CGGBP1: variants seen among roughly 807,000 people sequenced by gnomAD.
The protein encoded by CGGBP1 is CGG triplet repeat binding protein 1.
A neutral mutation model predicts 11.4 loss-of-function variants in CGGBP1; 4 were observed. The ratio of observed to expected loss-of-function variants is 0.35; its 90% CI spans 0.17 to 0.80. The LOEUF (loss-of-function observed/expected upper bound fraction) is 0.80. Among genes scored for constraint, CGGBP1 ranks in the 30% least tolerant of loss-of-function variants. CGGBP1 has a pLI of 0.52. For synonymous variants in CGGBP1, 76 were observed against 74.1 expected (o/e 1.03, Z -0.13); for missense variants, 135 against 202.1 (o/e 0.67, Z 2.01).
At chr3:88,133,919 G>A (rs528985752) in intron 2 of CGGBP1, among the ~76,000 whole-genome samples, 13 of 152,194 alleles carry the variant, frequency 8.5e-5, no homozygotes, top group African/African-American at 2.9e-4. Flanking sequence ...GGAATGTTTA[G>A]TGTCACTGCC....
chr3:88,057,740 A>C (rs575991046), intron 2 of CGGBP1: 3 of 152,368 alleles, frequency 2.0e-5, no homozygotes, highest in African/African-American at 7.2e-5. Context: ...TTATAGCATA[A>C]AATGCTCAAT....
At position 88,074,364 on chromosome 3, in the gene CGGBP1, C is replaced by T. The variant is rs1306400626; in HGVS notation, c.-228-16141G>A. 3.1e-4 allele frequency among the ~76,000 whole-genome samples: 37 copies of T among 119,634 alleles called. 2 individuals are homozygous for T. Among genetic ancestry groups the T allele is most frequent in the Non-Finnish European group, 3.5e-5 (2 of 57,902 alleles). 78.5% of individuals were successfully genotyped at this position (119,634 alleles called of 152,430 possible). A position where few individuals can be genotyped will look rare whatever the true frequency, so the allele number is the denominator to read the frequency against. ...TCTTACTTTTTTTTTTTTTTTGAGA[C>T]TGAGTCTTGCTTTATCGCCCAGGCT... On this transcript the variant is annotated intron_variant, in intron 2 of 3. Coordinates refer to the CGGBP1 transcript ENST00000462901.
At chr3:88,139,295 C>T (rs761934977) in intron 2 of CGGBP1, 3 of 1,577,366 alleles carry the variant, frequency 1.9e-6, no homozygotes, top group Non-Finnish European at 1.7e-6. Context: ...ATCACAATGT[C>T]CCAAGGCATC....
intron 2 of CGGBP1, among the ~76,000 whole-genome samples, chr3:88,110,320 T>C (rs1465204677): frequency 6.6e-6 from 1 of 152,134 alleles, no homozygotes; most frequent in African/African-American, 2.4e-5. Flanking sequence ...TTATAGGCTG[T>C]CTGCCTATAA....
At chr3:88,147,685 G>A (rs1481344043) in intron 1 of CGGBP1, among the ~76,000 whole-genome samples, 1 of 152,218 alleles carries the variant, frequency 6.6e-6, no homozygotes, top group Non-Finnish European at 1.5e-5. Context: ...GTGTCTGATA[G>A]TTACTGTATT....
chr3:88,060,207 G>C (rs1242421934), upstream of CGGBP1, among the ~76,000 whole-genome samples: 1 of 151,736 alleles, frequency 6.6e-6, no homozygotes, highest in Non-Finnish European at 1.5e-5. Context: ...CTCTTGCTCC[G>C]GTTAACATCA....
At position 88,092,433 on chromosome 3, in the gene CGGBP1, G is replaced by A. The variant is rs149631743; in HGVS notation, c.-228-34210C>T. 2.6e-3 allele frequency among the ~76,000 whole-genome samples: 391 copies of A among 152,168 alleles called. 1 individual carries two copies. The highest frequency in any genetic ancestry group is 8.3e-3 in the African/African-American group (345 of 41,532). On this transcript the variant is annotated intron_variant, in intron 2 of 3. Transcript: ENST00000462901. ...GAGAATTACAGAATGCAATGAGAGG[G>A]CATAACAGGGACTTGACCTGTCTTG... is the stretch of plus-strand genomic sequence containing the variant.
At position 88,054,610 on chromosome 3, in the gene CGGBP1, A is replaced by C. The variant is rs1454752348; in HGVS notation, c.*863T>G. On this transcript the variant is annotated 3_prime_UTR_variant, in exon 4 of 4. Transcript: ENST00000482016. ...ATCTGTCAGCCAAAAAAAAATTACT[A>C]ATTCTCTATAATAAAGAGAAAACTC... The C allele has an allele frequency of 6.6e-6, 1 of 152,496 alleles. No individual in the cohort carries two copies. The highest frequency in any genetic ancestry group is 1.5e-5 in the Non-Finnish European group (1 of 68,042). The allele number at this position is 152,496 out of a possible 1,614,324, so 9.4% of individuals were successfully genotyped here. A position where few individuals can be genotyped will look rare whatever the true frequency, so the allele number is the denominator to read the frequency against.
At chr3:88,117,391 ATAAT>A (rs1033215980) in intron 2 of CGGBP1, among the ~76,000 whole-genome samples, 1 of 152,152 alleles carries the variant, frequency 6.6e-6, no homozygotes, top group African/African-American at 2.4e-5. Context: ...GCCAGCATAA[ATAAT>A]GTCTGGATTT....
At chr3:88,149,203 C>T (rs1278235169) in intron 1 of CGGBP1, among the ~76,000 whole-genome samples, 1 of 152,204 alleles carries the variant, frequency 6.6e-6, no homozygotes, top group Non-Finnish European at 1.5e-5. Context: ...GCCCCATGCA[C>T]TGTTCACCCC....
intron 2 of CGGBP1, among the ~76,000 whole-genome samples, chr3:88,102,507 G>A (rs1197444416): frequency 1.3e-5 from 2 of 152,130 alleles, no homozygotes; most frequent in African/African-American, 4.8e-5. Context: ...CGTGATGAAG[G>A]TCTTTTTGTG....
chr3:88,134,906 CAT>C (rs1274284091), intron 2 of CGGBP1, among the ~76,000 whole-genome samples: 5 of 151,990 alleles, frequency 3.3e-5, no homozygotes, highest in African/African-American at 1.2e-4. Context: ...GTTTTAGTCT[CAT>C]ATAGGTAGAA....
chr3:88,105,431 C>G (rs930196602), intron 2 of CGGBP1, among the ~76,000 whole-genome samples: 1 of 152,150 alleles, frequency 6.6e-6, no homozygotes, highest in African/African-American at 2.4e-5. Flanking sequence ...TTGTCCTCTA[C>G]TGGTATGCAT....
intron 2 of CGGBP1, among the ~76,000 whole-genome samples, chr3:88,077,502 T>G (rs1012954157): frequency 1.0e-3 from 57 of 55,062 alleles, no homozygotes; most frequent in Non-Finnish European, 2.1e-3. Flanking sequence ...CCGGCTAATT[T>G]TTTGTGATTT....
intron 2 of CGGBP1, among the ~76,000 whole-genome samples, chr3:88,087,807 A>G (rs1708415684): frequency 6.6e-6 from 1 of 152,212 alleles, no homozygotes; most frequent in Non-Finnish European, 1.5e-5. Flanking sequence ...TAGTTCAATC[A>G]CCAGGCCTTA....
intron 2 of CGGBP1, among the ~76,000 whole-genome samples, chr3:88,122,294 T>C (rs1408727811): frequency 6.6e-6 from 1 of 152,126 alleles, no homozygotes; most frequent in Non-Finnish European, 1.5e-5. Context: ...ATACATGATG[T>C]GCAATAGGTG....
chr3:88,123,237 CA>C (rs1380162177), intron 2 of CGGBP1, among the ~76,000 whole-genome samples: 1 of 151,946 alleles, frequency 6.6e-6, no homozygotes, highest in Non-Finnish European at 1.5e-5. Context: ...TTAAATAGAC[CA>C]AAATGAAATC....
chr3:88,063,664 A>G (rs536062325), upstream of CGGBP1, among the ~76,000 whole-genome samples: 2 of 152,336 alleles, frequency 1.3e-5, no homozygotes, highest in East Asian at 1.9e-4. Context: ...AAGAAGTCAT[A>G]TAAGGCCTAA....
chr3:88,147,397 G>A (rs1264293764), intron 1 of CGGBP1, among the ~76,000 whole-genome samples: 2 of 152,202 alleles, frequency 1.3e-5, no homozygotes, highest in East Asian at 1.9e-4. Flanking sequence ...TATGCCAGGG[G>A]CAAGAGCAAA....
Sources: allele counts gnomAD v4.1 joint callset (sites outside exome capture counted in the v4.1 genomes callset), GRCh38; gene constraint gnomAD v4.1.1; transcripts MANE v1.5; gene names NCBI Gene and HGNC (gene_info 2026-07-23, HGNC 2026-07-21).